DIP2A: variants seen among roughly 807,000 people sequenced by gnomAD.
DIP2A encodes DIP2 acetate--CoA ligase A.
A neutral mutation model predicts 177.4 loss-of-function variants in DIP2A; 85 were observed. The observed-to-expected ratio is 0.48, with a 90% CI of 0.40 to 0.57. DIP2A has a LOEUF of 0.57. DIP2A is among the 20% of genes least tolerant of loss of function. The pLI, the probability that DIP2A is intolerant of heterozygous loss-of-function variation, is 0.00. For synonymous variants in DIP2A, 886 were observed against 881.8 expected (o/e 1.00, Z -0.08); for missense variants, 1,791 against 2,100.2 (o/e 0.85, Z 2.88).
At chr21:46,525,914 TA>T (rs2059061506) in intron 8 of DIP2A, among the ~76,000 whole-genome samples, 1 of 89,496 alleles carries the variant, frequency 1.1e-5, no homozygotes, top group Non-Finnish European at 2.4e-5. Context: ...TTATTATTAT[TA>T]TTATTATTTT....
chr21:46,578,366 A>G, the DIP2A span, among the ~76,000 whole-genome samples: 33,438 of 152,118 alleles, frequency 0.22, 3,907 homozygotes, highest in East Asian at 0.34. Context: ...GGCTGAGACA[A>G]TGGGGTTTTC....
intron 21 of DIP2A, 40 bp downstream of exon 21, chr21:46,547,082 T>G: frequency 6.3e-7 from 1 of 1,598,348 alleles, no homozygotes; most frequent in South Asian, 1.1e-5. Flanking sequence ...GTAGATTCCT[T>G]CATTTGCAGC....
Position 46,565,778 on chromosome 21 carries a change from T to G in DIP2A, c.4230T>G (p.His1410Gln). 8.1e-6 allele frequency: 13 copies of G among 1,614,012 alleles called. No homozygotes were observed. Among genetic ancestry groups the G allele is most frequent in the Non-Finnish European group, 1.0e-5 (12 of 1,179,888 alleles). Residue 1410 changes from histidine (H) to glutamine (Q), a missense_variant, in exon 36 of 38, where the codon CAT (histidine) becomes CAG (glutamine). Physicochemically the swap from His to Gln is conservative, Grantham distance 24 (BLOSUM62 0). Coordinates refer to ENST00000417564, the MANE Select transcript of DIP2A (RefSeq NM_015151.4). ...CCGTTTACGGGGAGGAGGCGCTTCA[T>G]GCCGACCACTTCAGTGCCCGGCTGA... ...YYTVYGEEAL[H>Q]ADHFSARLSF...
intron 16 of DIP2A, chr21:46,539,262 G>A (rs900969377): frequency 1.2e-5 from 2 of 162,040 alleles, no homozygotes; most frequent in African/African-American, 4.8e-5. Flanking sequence ...TTTCTTGTTT[G>A]TTAACCTGCA....
chr21:46,572,823 TC>T (rs1247395553), downstream of DIP2A, among the ~76,000 whole-genome samples: 1 of 152,248 alleles, frequency 6.6e-6, no homozygotes, highest in African/African-American at 2.4e-5. Flanking sequence ...CTGATTTTAA[TC>T]CTTTATACTG....
intron 32 of DIP2A, chr21:46,558,928 G>C (rs536112711): frequency 6.1e-6 from 1 of 162,728 alleles, no homozygotes; most frequent in Non-Finnish European, 1.3e-5. Context: ...ATGAGACCCC[G>C]TCTCTACTAA....
At chr21:46,464,364 G>C (rs1183275321) in intron 1 of DIP2A, among the ~76,000 whole-genome samples, 1 of 152,114 alleles carries the variant, frequency 6.6e-6, no homozygotes, top group African/African-American at 2.4e-5. Flanking sequence ...TTGCACTCCA[G>C]CCTGGGCAAC....
intron 1 of DIP2A, among the ~76,000 whole-genome samples, chr21:46,481,848 C>G (rs552518737): frequency 1.3e-5 from 2 of 152,208 alleles, no homozygotes; most frequent in South Asian, 4.1e-4. Context: ...GTCAGGAGTT[C>G]TAGACCAGCC....
At chr21:46,572,581 G>A (rs2060976062), downstream of DIP2A, among the ~76,000 whole-genome samples, 2 of 152,116 alleles carry the variant, frequency 1.3e-5, no homozygotes, top group Non-Finnish European at 2.9e-5. Context: ...AGAAGATGAA[G>A]ACCTGAGCTA....
intron 1 of DIP2A, among the ~76,000 whole-genome samples, chr21:46,463,611 G>A (rs1321120890): frequency 6.6e-6 from 1 of 152,066 alleles, no homozygotes; most frequent in Non-Finnish European, 1.5e-5. Flanking sequence ...TGGGTATACA[G>A]GAAGAGACTT....
At chr21:46,474,404 A>T (rs1359904630) in intron 1 of DIP2A, among the ~76,000 whole-genome samples, 1 of 152,160 alleles carries the variant, frequency 6.6e-6, no homozygotes, top group Non-Finnish European at 1.5e-5. Context: ...TGAATAATGC[A>T]AAGAGAGCCT....
rs891037219 is a variant in DIP2A, at chr21:46,567,220, C to T, written c.4464-150C>T. ...GGAATAGACATCCTGTAAAATGGAT[C>T]TGGCCTGATCTTTAGATTGTAAATG... On this transcript the variant is annotated intron_variant, in intron 37 of 37. Coordinates refer to ENST00000417564, the MANE Select transcript of DIP2A (RefSeq NM_015151.4). 5.1e-6 allele frequency: 6 copies of T among 1,165,818 alleles called. No individual in the cohort carries two copies. In the East Asian group the frequency reaches 1.4e-4, roughly 28 times the overall value. 72.2% of individuals were successfully genotyped at this position (1,165,818 alleles called of 1,614,324 possible).
chr21:46,539,560 C>T (rs2059720012), intron 16 of DIP2A: 1 of 387,720 alleles, frequency 2.6e-6, no homozygotes, highest in East Asian at 6.2e-5. Context: ...CATGGCACTC[C>T]CCTGTTGCTG....
intron 2 of DIP2A, among the ~76,000 whole-genome samples, chr21:46,485,591 T>C (rs1267260516): frequency 6.6e-6 from 1 of 152,172 alleles, no homozygotes; most frequent in Non-Finnish European, 1.5e-5. Context: ...TACAGGAAGA[T>C]TGTTGCCATC....
At chr21:46,510,587 T>C (rs2058259189) in intron 7 of DIP2A, among the ~76,000 whole-genome samples, 1 of 151,754 alleles carries the variant, frequency 6.6e-6, no homozygotes, top group African/African-American at 2.4e-5. Flanking sequence ...AAAAACAAGA[T>C]TAAAGTAATC....
intron 25 of DIP2A, chr21:46,553,250 T>C (rs531157962): frequency 1.3e-5 from 2 of 152,346 alleles, no homozygotes; most frequent in East Asian, 3.9e-4. Context: ...AGCACATAAG[T>C]GCGTCCACTG....
At chr21:46,546,862 C>G in intron 20 of DIP2A, 53 bp from the exon 21 acceptor site, 1 of 1,601,320 alleles carries the variant, frequency 6.2e-7, no homozygotes, top group Non-Finnish European at 8.5e-7. Flanking sequence ...GGTCCTGGCG[C>G]ATCCAGCTTC....
chr21:46,539,943 T>C lies in DIP2A; in HGVS notation c.1988T>C (p.Ile663Thr), dbSNP rs766750897. The change falls in exon 17 of 38, where the codon ATC becomes ACC. Residue 663 changes from isoleucine to threonine, a missense_variant. Ile to Thr is a moderately conservative substitution (Grantham distance 89). Coordinates refer to ENST00000417564, the MANE Select transcript of DIP2A (RefSeq NM_015151.4). ...FQSRGLRPEV[I>T]CPCASSPEAL... Reference sequence around the variant, plus strand: ...TCCAGAGGTCTGAGGCCAGAGGTCATCTGTCCTTGTGCAAGTTCTCCTGAG... The same window carrying C: ...TCCAGAGGTCTGAGGCCAGAGGTCACCTGTCCTTGTGCAAGTTCTCCTGAG... 1 of 1,613,930 alleles carries C rather than the reference T, an allele frequency of 6.2e-7. No homozygotes were observed. The highest frequency in any genetic ancestry group is 1.3e-5 in the African/African-American group (1 of 74,940).
At position 46,567,438 on chromosome 21, in the gene DIP2A, T is replaced by C. The variant is rs2060868919; in HGVS notation, c.4532T>C (p.Leu1511Pro). 1.2e-6 allele frequency: 2 copies of C among 1,614,002 alleles called. No individual in the cohort carries two copies. The highest frequency in any genetic ancestry group is 1.1e-5 in the South Asian group (1 of 91,074). Residue 1511 changes from leucine (L) to proline (P), a missense_variant, in exon 38 of 38, where the codon CTG becomes CCG. Leu to Pro is a moderately conservative substitution (Grantham distance 98). Transcript: ENST00000417564. ...VELDGLEQDA[L>P]DLVALVTNVV... ...CTGGATGGGCTAGAGCAGGATGCCC[T>C]GGACCTGGTGGCCCTGGTGACCAAC... is the stretch of plus-strand genomic sequence containing the variant.
Sources: allele counts gnomAD v4.1 joint callset (sites outside exome capture counted in the v4.1 genomes callset), GRCh38; gene constraint gnomAD v4.1.1; transcripts MANE v1.5; gene names NCBI Gene and HGNC (gene_info 2026-07-23, HGNC 2026-07-21).